PAFAH1B1: variants seen among roughly 807,000 people sequenced by gnomAD.
PAFAH1B1 encodes the protein platelet activating factor acetylhydrolase 1b regulatory subunit 1.
A neutral mutation model predicts 57.5 loss-of-function variants in PAFAH1B1; 2 were observed. The ratio of observed to expected loss-of-function variants is 0.03; its 90% CI spans 0.01 to 0.11. The LOEUF (loss-of-function observed/expected upper bound fraction) is 0.11. Ranked by LOEUF, PAFAH1B1 falls within the 10% of genes least tolerant of loss-of-function variation. The probability of loss-of-function intolerance (pLI) is 1.00; values close to 1 mark genes in which losing one functional copy is unlikely to be tolerated. For synonymous variants in PAFAH1B1, 152 were observed against 169.6 expected (o/e 0.90, Z 0.81); for missense variants, 257 against 512.0 (o/e 0.50, Z 4.81).
chr17:2,641,030 T>A (rs2068688490), intron 2 of PAFAH1B1: 1 of 152,234 alleles, frequency 6.6e-6, no homozygotes, highest in Non-Finnish European at 1.5e-5. Context: ...ACTACAGTGG[T>A]TATAGAGTGA....
intron 2 of PAFAH1B1, among the ~76,000 whole-genome samples, chr17:2,656,185 A>G (rs1049474989): frequency 1.3e-5 from 2 of 152,120 alleles, no homozygotes; most frequent in African/African-American, 2.4e-5. Flanking sequence ...CAGCCTCCCA[A>G]AGTGCTGGGA....
intron 1 of PAFAH1B1, among the ~76,000 whole-genome samples, chr17:2,634,211 A>G (rs550662098): frequency 8.5e-5 from 13 of 152,130 alleles, no homozygotes; most frequent in Admixed American, 2.6e-4. Flanking sequence ...TTTCAGCTCA[A>G]CTGCAACCTC....
At chr17:2,601,325 T>TG (rs552611566) in intron 1 of PAFAH1B1, among the ~76,000 whole-genome samples, 162 of 151,540 alleles carry the variant, frequency 1.1e-3, no homozygotes, top group African/African-American at 3.3e-3. Flanking sequence ...TTAATAGAGA[T>TG]GGGGGGTCTC....
intron 2 of PAFAH1B1, among the ~76,000 whole-genome samples, chr17:2,643,196 G>T (rs1267175735): frequency 6.6e-6 from 1 of 152,056 alleles, no homozygotes; most frequent in African/African-American, 2.4e-5. Context: ...GGGCTAAAGC[G>T]ATTGTTACAC....
chr17:2,598,475 G>A (rs1200375923), intron 1 of PAFAH1B1, among the ~76,000 whole-genome samples: 3 of 151,822 alleles, frequency 2.0e-5, no homozygotes, highest in Non-Finnish European at 2.9e-5. Context: ...CCCTGTTAAC[G>A]AAAATATTTC....
intron 1 of PAFAH1B1, among the ~76,000 whole-genome samples, chr17:2,619,727 T>C (rs1174129850): frequency 1.3e-5 from 2 of 152,292 alleles, no homozygotes; most frequent in East Asian, 3.9e-4. Context: ...TATTATACAA[T>C]TGAGGAAACT....
intron 1 of PAFAH1B1, among the ~76,000 whole-genome samples, chr17:2,607,130 T>G (rs1305675477): frequency 1.3e-5 from 2 of 151,854 alleles, no homozygotes; most frequent in Admixed American, 1.3e-4. Context: ...GGCCTAGAGC[T>G]TTTTTAAAGA....
rs150898533 is a variant in PAFAH1B1, at chr17:2,628,402, T to G, written c.-190-9697T>G. Among the ~76,000 whole-genome samples, 41 of 152,162 alleles carry G rather than the reference T, an allele frequency of 2.7e-4. No homozygotes were observed. The East Asian group carries it at 7.6e-3, about 28-fold the overall frequency. On this transcript the variant is annotated intron_variant, in intron 1 of 10. Transcript: ENST00000397195. ...TGACCTGCATATATTAAACCATCCC[T>G]GCATCCCTAATATGAAACCTACTTG... is the stretch of plus-strand genomic sequence containing the variant.
intron 1 of PAFAH1B1, among the ~76,000 whole-genome samples, chr17:2,607,383 G>A (rs567222064): frequency 8.8e-4 from 134 of 151,676 alleles, no homozygotes; most frequent in Non-Finnish European, 1.8e-3. Context: ...CACCATGTTG[G>A]CCAGGGTGGT....
chr17:2,604,568 C>T (rs190864556), intron 1 of PAFAH1B1, among the ~76,000 whole-genome samples: 5 of 152,070 alleles, frequency 3.3e-5, no homozygotes, highest in African/African-American at 9.7e-5. Context: ...CCCAGCACTT[C>T]GAGAGGCTGA....
chr17:2,621,727 C>G (rs1031312098), intron 1 of PAFAH1B1, among the ~76,000 whole-genome samples: 4 of 147,736 alleles, frequency 2.7e-5, no homozygotes, highest in Non-Finnish European at 1.5e-5. Context: ...CCAGGTGTTG[C>G]CCTCCCACCT....
intron 1 of PAFAH1B1, among the ~76,000 whole-genome samples, chr17:2,616,543 G>T (rs2068343337): frequency 6.6e-6 from 1 of 152,092 alleles, no homozygotes; most frequent in African/African-American, 2.4e-5. Flanking sequence ...TTCTCTTAAG[G>T]TCTTCAACTG....
intron 2 of PAFAH1B1, among the ~76,000 whole-genome samples, chr17:2,652,609 T>C (rs2068878150): frequency 6.6e-6 from 1 of 152,194 alleles, no homozygotes. Flanking sequence ...AAGCGGTTTT[T>C]CCCTGGCCTG....
At chr17:2,618,456 T>C (rs1198484491) in intron 1 of PAFAH1B1, among the ~76,000 whole-genome samples, 1 of 152,156 alleles carries the variant, frequency 6.6e-6, no homozygotes, top group Non-Finnish European at 1.5e-5. Flanking sequence ...ATAAAAAGAT[T>C]GATCTAAGGA....
At chr17:2,619,201 G>A (rs1016439150) in intron 1 of PAFAH1B1, among the ~76,000 whole-genome samples, 3 of 151,530 alleles carry the variant, frequency 2.0e-5, no homozygotes, top group East Asian at 1.9e-4. Context: ...CTAGGCTTTC[G>A]TGTAGCGGCG....
intron 1 of PAFAH1B1, among the ~76,000 whole-genome samples, chr17:2,620,435 T>C (rs1410804015): frequency 6.6e-6 from 1 of 152,208 alleles, no homozygotes; most frequent in Admixed American, 6.5e-5. Context: ...ATCTAAAAAA[T>C]AGATTATTAG....
chr17:2,620,341 C>G (rs2068403480), intron 1 of PAFAH1B1, among the ~76,000 whole-genome samples: 1 of 152,156 alleles, frequency 6.6e-6, no homozygotes, highest in Non-Finnish European at 1.5e-5. Context: ...CATCAGATTC[C>G]TATCTAATTC....
chr17:2,626,592 C>T (rs1431259732), intron 1 of PAFAH1B1, among the ~76,000 whole-genome samples: 6 of 122,526 alleles, frequency 4.9e-5, no homozygotes, highest in East Asian at 3.1e-4. Flanking sequence ...CTTGTTCTGT[C>T]GCCCAGAGCT....
chr17:2,628,854 A>G (rs183162802), intron 1 of PAFAH1B1, among the ~76,000 whole-genome samples: 29 of 152,186 alleles, frequency 1.9e-4, no homozygotes, highest in African/African-American at 6.5e-4. Context: ...CATCTCTTTT[A>G]GGTTTTCTCA....
Sources: allele counts gnomAD v4.1 joint callset (sites outside exome capture counted in the v4.1 genomes callset), GRCh38; gene constraint gnomAD v4.1.1; transcripts MANE v1.5; gene names NCBI Gene and HGNC (gene_info 2026-07-23, HGNC 2026-07-21).